SYT14: variants seen among roughly 807,000 people sequenced by gnomAD.
SYT14 encodes the protein synaptotagmin-14.
SYT14 carries 32 observed loss-of-function variants against 74.2 expected under a neutral mutation model. The ratio of observed to expected loss-of-function variants is 0.43; its 90% CI spans 0.33 to 0.58. SYT14 has a LOEUF of 0.58. SYT14 is among the 20% of genes least tolerant of loss of function. The probability of loss-of-function intolerance (pLI) is 0.05; values close to 1 mark genes in which losing one functional copy is unlikely to be tolerated. For synonymous variants in SYT14, 298 were observed against 337.7 expected (o/e 0.88, Z 1.29); for missense variants, 791 against 981.8 (o/e 0.81, Z 2.60).
chr1:210,057,525 C>A (rs2081123084), intron 5 of SYT14, among the ~76,000 whole-genome samples: 1 of 152,184 alleles, frequency 6.6e-6, no homozygotes, highest in South Asian at 2.1e-4. Flanking sequence ...TTTCACTTCA[C>A]TTTGGTATGA....
chr1:210,074,882 C>T (rs2081461931), intron 5 of SYT14, among the ~76,000 whole-genome samples: 1 of 152,150 alleles, frequency 6.6e-6, no homozygotes, highest in South Asian at 2.1e-4. Context: ...TTAGTTTAGC[C>T]ATCCATAGGC....
At chr1:209,953,256 A>T in intron 2 of SYT14, 1 of 1,287,194 alleles carries the variant, frequency 7.8e-7, no homozygotes, top group Non-Finnish European at 1.0e-6. Context: ...TGGCCCCAGG[A>T]AAGGTAATTC....
chr1:209,973,691 A>G (rs2079301753), intron 2 of SYT14, among the ~76,000 whole-genome samples: 1 of 152,190 alleles, frequency 6.6e-6, no homozygotes, highest in Admixed American at 6.5e-5. Flanking sequence ...GTGTCTTTAT[A>G]GCAGCATGAT....
At chr1:210,008,174 T>C (rs991106569) in intron 2 of SYT14, among the ~76,000 whole-genome samples, 19 of 152,176 alleles carry the variant, frequency 1.2e-4, no homozygotes, top group African/African-American at 4.6e-4. Flanking sequence ...TAAGCACTTT[T>C]TAAGTGTTTG....
intron 7 of SYT14, among the ~76,000 whole-genome samples, chr1:210,126,303 G>A (rs1268218085): frequency 1.3e-5 from 2 of 150,118 alleles, no homozygotes; most frequent in African/African-American, 2.5e-5. Context: ...ATATTAACAC[G>A]TTTACCCCTG....
intron 5 of SYT14, among the ~76,000 whole-genome samples, chr1:210,038,755 G>C (rs1301533890): frequency 2.6e-5 from 4 of 151,996 alleles, no homozygotes; most frequent in African/African-American, 7.2e-5. Flanking sequence ...CTCTCTTCTT[G>C]CTTATACAGT....
chr1:209,960,428 T>C (rs1014365930), intron 2 of SYT14, among the ~76,000 whole-genome samples: 1 of 152,176 alleles, frequency 6.6e-6, no homozygotes, highest in South Asian at 2.1e-4. Flanking sequence ...ACTGAATCCA[T>C]TGGGAAGATG....
At chr1:210,023,280 G>C (rs969914425) in intron 5 of SYT14, among the ~76,000 whole-genome samples, 1 of 152,116 alleles carries the variant, frequency 6.6e-6, no homozygotes, top group Non-Finnish European at 1.5e-5. Flanking sequence ...GAGTATATAC[G>C]TAATATGATG....
At chr1:210,013,372 C>T (rs2080122411) in intron 2 of SYT14, among the ~76,000 whole-genome samples, 1 of 152,140 alleles carries the variant, frequency 6.6e-6, no homozygotes, top group South Asian at 2.1e-4. Flanking sequence ...GCCTGGCCGA[C>T]TCCTGTCTTT....
intron 5 of SYT14, among the ~76,000 whole-genome samples, chr1:210,058,032 A>G (rs2081132594): frequency 6.6e-6 from 1 of 152,154 alleles, no homozygotes; most frequent in Non-Finnish European, 1.5e-5. Context: ...GTTTGTCCCT[A>G]TATTAATTGT....
chr1:210,162,897 A>G (rs1225992590), exon 10 of SYT14: 12 of 453,400 alleles, frequency 2.6e-5, no homozygotes, highest in Non-Finnish European at 5.3e-5. Context: ...GGAAAAATCC[A>G]TCTTTTATTG....
At chr1:209,952,582 T>C in intron 1 of SYT14, 127 bp from the exon 2 acceptor site, 1 of 729,250 alleles carries the variant, frequency 1.4e-6, no homozygotes, top group Non-Finnish European at 2.4e-6. Flanking sequence ...TAGTTAAGTA[T>C]AAAGAGAAGA....
In SYT14 at chr1:209,948,900, ATTAT is replaced by A. The variant is rs527609726; in HGVS notation, c.-533-3802_-533-3799del. Among the ~76,000 whole-genome samples the A allele has an allele frequency of 9.2e-5, 14 of 152,206 alleles. No homozygotes were observed. The South Asian group carries it at 2.9e-3, about 32-fold the overall frequency. Reference sequence around the variant, plus strand: ...TATACAGGAGTTCATTTTGGGGGTGATTATTTATTTTAGTGGAAGATTAGTCTCT... The same window carrying A: ...TATACAGGAGTTCATTTTGGGGGTGATTATTTTAGTGGAAGATTAGTCTCT... On this transcript the variant is annotated intron_variant, in intron 1 of 9. Coordinates refer to ENST00000637265, the Ensembl canonical transcript of SYT14.
intron 5 of SYT14, among the ~76,000 whole-genome samples, chr1:210,067,841 T>C (rs2081324815): frequency 6.6e-6 from 1 of 151,908 alleles, no homozygotes; most frequent in Non-Finnish European, 1.5e-5. Context: ...CAGGAATTGC[T>C]TGGAAATGAT....
chr1:210,046,126 C>A (rs860155), intron 5 of SYT14, among the ~76,000 whole-genome samples: 2 of 151,972 alleles, frequency 1.3e-5, no homozygotes, highest in Admixed American at 6.5e-5. Flanking sequence ...ATCCCAGCAC[C>A]TTGGGAGGGT....
intron 5 of SYT14, among the ~76,000 whole-genome samples, chr1:210,049,113 T>G (rs1307183265): frequency 6.6e-6 from 1 of 152,166 alleles, no homozygotes; most frequent in Non-Finnish European, 1.5e-5. Context: ...CACAGGATGG[T>G]GTTGAGTGTC....
At chr1:209,967,521 A>C (rs750941108) in intron 2 of SYT14, among the ~76,000 whole-genome samples, 3 of 152,104 alleles carry the variant, frequency 2.0e-5, no homozygotes, top group Non-Finnish European at 4.4e-5. Flanking sequence ...CAGGTTATCT[A>C]TTCCTGAGTG....
intron 2 of SYT14, among the ~76,000 whole-genome samples, chr1:209,969,416 T>C (rs2079209045): frequency 6.6e-6 from 1 of 152,042 alleles, no homozygotes. Context: ...TGCTAATTTG[T>C]TTTTACTTTT....
intron 7 of SYT14, among the ~76,000 whole-genome samples, chr1:210,151,115 A>G (rs961090716): frequency 3.9e-5 from 6 of 152,232 alleles, no homozygotes; most frequent in African/African-American, 1.4e-4. Context: ...ATTAAAAAGA[A>G]GTAAAATATT....
Sources: gnomAD v4.1 joint callset for allele counts (sites outside exome capture counted in the v4.1 genomes callset) on GRCh38, gnomAD v4.1.1 for gene constraint, MANE v1.5 for transcripts, NCBI Gene and HGNC (gene_info 2026-07-23, HGNC 2026-07-21) for gene names.